Variants in VPS13A observed in about 807,000 individuals in gnomAD.
The protein encoded by VPS13A is intermembrane lipid transfer protein VPS13A.
In VPS13A, 264 loss-of-function variants were observed where a neutral mutation model predicts 390.9. The ratio of observed to expected loss-of-function variants is 0.68; its 90% confidence interval spans 0.61 to 0.75. The LOEUF (loss-of-function observed/expected upper bound fraction) is 0.75. Among genes scored for constraint, VPS13A ranks in the 30% least tolerant of loss-of-function variants. VPS13A has a pLI of 0.00. For synonymous variants in VPS13A, 1,231 were observed against 1,227.1 expected (o/e 1.00, Z -0.07); for missense variants, 3,409 against 3,733.9 (o/e 0.91, Z 2.27).
rs1413052026 is a variant in VPS13A, at chr9:77,279,748, C to T, written c.2825-411C>T. On this transcript the variant is annotated intron_variant, in intron 26 of 71. Coordinates refer to ENST00000360280, the MANE Select transcript of VPS13A (RefSeq NM_033305.3). The stretch of plus-strand genomic sequence containing the variant: ...AAAACTTAATGTTTCATCTCATTCC[C>T]GGTCTGTCTTCTGAACAGCTGGGTT... The T allele has an allele frequency of 3.8e-5, 7 of 185,282 alleles. 1 individual carries two copies. The South Asian group carries it at 5.9e-4, about 15-fold the overall frequency. The allele number at this position is 185,282 out of a possible 1,614,324, so 11.5% of individuals were successfully genotyped here. A position where few individuals can be genotyped will look rare whatever the true frequency, so the allele number is the denominator to read the frequency against.
chr9:77,200,977 T>G (rs958436615), intron 2 of VPS13A, among the ~76,000 whole-genome samples: 1 of 152,138 alleles, frequency 6.6e-6, no homozygotes, highest in Non-Finnish European at 1.5e-5. Flanking sequence ...GGAGAACGTT[T>G]TGAAAGTTTA....
At chr9:77,398,648 T>C (rs1204918371) in intron 68 of VPS13A, among the ~76,000 whole-genome samples, 1 of 152,178 alleles carries the variant, frequency 6.6e-6, no homozygotes, top group Non-Finnish European at 1.5e-5. Context: ...AGCGTGACGT[T>C]CTCTCCCATT....
chr9:77,177,899 C>T (rs1407602013), intron 1 of VPS13A, 95 bp downstream of exon 1: 5 of 1,181,876 alleles, frequency 4.2e-6, no homozygotes, highest in African/African-American at 1.5e-5. Flanking sequence ...CTTCGAGCAC[C>T]TTGCTCGCCG....
At chr9:77,349,104 AAT>A (rs1261663749) in intron 52 of VPS13A, among the ~76,000 whole-genome samples, 1 of 152,160 alleles carries the variant, frequency 6.6e-6, no homozygotes, top group Admixed American at 6.5e-5. Context: ...TGTTTTAAAA[AAT>A]ACTACAGAAA....
intron 23 of VPS13A, among the ~76,000 whole-genome samples, chr9:77,263,107 CTT>C (rs34380259): frequency 2.9e-5 from 4 of 139,298 alleles, no homozygotes; most frequent in African/African-American, 2.6e-5. Context: ...TGTTTCCCAA[CTT>C]TTTTTTTTTT....
intron 35 of VPS13A, among the ~76,000 whole-genome samples, chr9:77,310,221 A>T (rs55672277): frequency 0.078 from 11,892 of 152,226 alleles, 574 homozygotes; most frequent in East Asian, 0.12. Context: ...GGTTAAAAAA[A>T]CCTAGGCCTA....
intron 71 of VPS13A, among the ~76,000 whole-genome samples, chr9:77,408,638 G>C (rs557948914): frequency 6.6e-6 from 1 of 152,350 alleles, no homozygotes; most frequent in East Asian, 1.9e-4. Flanking sequence ...CACACCAGGA[G>C]ATTATATCCC....
At position 77,407,450 on chromosome 9, in the gene VPS13A, C is replaced by G. The variant is rs778593827; in HGVS notation, c.9400-83C>G. 197 of 1,118,438 alleles carry G rather than the reference C, an allele frequency of 1.8e-4. 1 individual carries two copies. Among genetic ancestry groups the G allele is most frequent in the Non-Finnish European group, 2.6e-4 (195 of 735,858 alleles). The allele number at this position is 1,118,438 out of a possible 1,614,324, so 69.3% of individuals were successfully genotyped here. On this transcript the variant is annotated intron_variant, in intron 70 of 71. Transcript: ENST00000360280. ...GTATAAGAGGGACACTTTAGGCATACAGTAATAAAGCTTTGTGGCATTTCT... is the reference window on the plus strand; with the variant it reads ...GTATAAGAGGGACACTTTAGGCATAGAGTAATAAAGCTTTGTGGCATTTCT...
intron 68 of VPS13A, among the ~76,000 whole-genome samples, chr9:77,401,707 A>T (rs1306602429): frequency 6.6e-6 from 1 of 152,080 alleles, no homozygotes; most frequent in African/African-American, 2.4e-5. Flanking sequence ...TTTTCATCTA[A>T]GTTTTCAAAA....
At chr9:77,319,906 C>T (rs573043757) in intron 42 of VPS13A, among the ~76,000 whole-genome samples, 1 of 151,950 alleles carries the variant, frequency 6.6e-6, no homozygotes, top group African/African-American at 2.4e-5. Context: ...ATACCACACT[C>T]GACACTTTAT....
intron 23 of VPS13A, among the ~76,000 whole-genome samples, chr9:77,268,063 G>T (rs542370406): frequency 6.6e-6 from 1 of 152,360 alleles, no homozygotes; most frequent in East Asian, 1.9e-4. Flanking sequence ...CTGGCAGTAA[G>T]AATTTCAAGC....
intron 34 of VPS13A, among the ~76,000 whole-genome samples, chr9:77,304,964 A>T (rs1828634555): frequency 6.8e-6 from 1 of 147,110 alleles, no homozygotes. Flanking sequence ...TTTGAGATGG[A>T]GTCTCGCTCT....
chr9:77,196,170 C>T (rs945583936), intron 1 of VPS13A, among the ~76,000 whole-genome samples: 2 of 152,082 alleles, frequency 1.3e-5, no homozygotes, highest in African/African-American at 2.4e-5. Context: ...CCTTGCATAA[C>T]GTCAATCTTT....
rs1246773214 is a variant in VPS13A at position 77,226,520 on chromosome 9, A to G, written c.1279A>G (p.Asn427Asp). 2 of 1,613,084 alleles carry G rather than the reference A, an allele frequency of 1.2e-6. No individual in the cohort carries two copies. The highest frequency in any genetic ancestry group is 1.7e-6 in the Non-Finnish European group (2 of 1,179,338). ...YKEGVKDPED[N>D]KGWFSWLWSW... is the part of the protein sequence containing the mutation. ...AGAAGGAGTAAAAGATCCAGAGGATAATAAAGGGTGGTTTAGCTGGCTATG... is the reference window on the plus strand; with the variant it reads ...AGAAGGAGTAAAAGATCCAGAGGATGATAAAGGGTGGTTTAGCTGGCTATG... The change falls in exon 15 of 72, where the codon AAT (asparagine) becomes GAT (aspartate). Residue 427 changes from asparagine (N) to aspartate (D), a missense_variant. Coordinates refer to ENST00000360280, the MANE Select transcript of VPS13A (RefSeq NM_033305.3).
At position 77,293,901 on chromosome 9, in the gene VPS13A, A is replaced by G. The variant is rs555440454; in HGVS notation, c.3507+393A>G. ...TTTTGGTCTGAAGTCATCATTAAGA[A>G]AAGGTTATTTTAATTTTCTAGAGAC... On this transcript the variant is annotated intron_variant, in intron 32 of 71. Coordinates refer to ENST00000360280, the MANE Select transcript of VPS13A (RefSeq NM_033305.3). Among the ~76,000 whole-genome samples, 232 of 152,188 alleles carry G rather than the reference A, an allele frequency of 1.5e-3. 1 individual carries two copies. Among genetic ancestry groups the G allele is most frequent in the African/African-American group, 5.4e-3 (223 of 41,510 alleles).
chr9:77,354,807 C>T (rs546418966), intron 54 of VPS13A, among the ~76,000 whole-genome samples: 6 of 152,220 alleles, frequency 3.9e-5, no homozygotes, highest in East Asian at 1.9e-4. Context: ...ATCTCACCCC[C>T]CAATATCACA....
At chr9:77,210,272 G>C (rs945292311) in intron 6 of VPS13A, among the ~76,000 whole-genome samples, 1 of 115,618 alleles carries the variant, frequency 8.6e-6, no homozygotes, top group Admixed American at 1.1e-4. Flanking sequence ...TCACACTGTC[G>C]CCAGGCTGGA....
Position 77,316,303 on chromosome 9 carries a change from A to T in VPS13A, c.4760A>T (p.Tyr1587Phe), listed in dbSNP as rs149840356. The T allele has an allele frequency of 6.2e-7, 1 of 1,613,388 alleles. No individual in the cohort carries two copies. Among genetic ancestry groups the T allele is most frequent in the East Asian group, 2.2e-5 (1 of 44,812 alleles). ...LVITTQCEIC[Y>F]KGNLENSTMT... ...ATTACAACACAATGTGAAATTTGCTATAAAGGTAACCTTGAAAATAGTACA... is the reference window on the plus strand; with the variant it reads ...ATTACAACACAATGTGAAATTTGCTTTAAAGGTAACCTTGAAAATAGTACA... The change falls in exon 39 of 72, where the codon TAT becomes TTT. Residue 1587 changes from tyrosine to phenylalanine, a missense_variant. Tyr to Phe is a conservative substitution (Grantham distance 22). Coordinates refer to ENST00000360280, the MANE Select transcript of VPS13A (RefSeq NM_033305.3).
intron 45 of VPS13A, among the ~76,000 whole-genome samples, chr9:77,331,763 ATAT>A (rs890037841): frequency 6.6e-6 from 1 of 151,942 alleles, no homozygotes; most frequent in African/African-American, 2.4e-5. Flanking sequence ...AATCAAAAAG[ATAT>A]TATCTTATTC....
Sources: gnomAD v4.1 joint callset for allele counts (sites outside exome capture counted in the v4.1 genomes callset) on GRCh38, gnomAD v4.1.1 for gene constraint, MANE v1.5 for transcripts, NCBI Gene and HGNC (gene_info 2026-07-23, HGNC 2026-07-21) for gene names.